The following DEUP1 variants were observed in gnomAD, a reference collection of about 807,000 sequenced individuals.
DEUP1 encodes deuterosome assembly protein 1.
DEUP1 carries 82 observed loss-of-function variants against 87.4 expected under a neutral mutation model. The observed-to-expected ratio is 0.94, with a 90% CI of 0.78 to 1.13. The LOEUF is 1.13. Ranked by LOEUF, DEUP1 falls within the 50% of genes most tolerant of loss-of-function variation. DEUP1 has a pLI of 0.00. For missense variants in DEUP1, 663 were observed against 681.5 expected (o/e 0.97, Z 0.30); for synonymous variants, 214 against 222.7 (o/e 0.96, Z 0.35).
At chr11:93,365,464 A>G (rs1445681778) in intron 5 of DEUP1, among the ~76,000 whole-genome samples, 1 of 152,140 alleles carries the variant, frequency 6.6e-6, no homozygotes, top group Non-Finnish European at 1.5e-5. Context: ...ATGCCGATAG[A>G]TGTGCACTGT....
chr11:93,428,776 T>C (rs1018646833), intron 13 of DEUP1, among the ~76,000 whole-genome samples: 2 of 152,314 alleles, frequency 1.3e-5, no homozygotes, highest in African/African-American at 4.8e-5. Context: ...ACCCTGGTCA[T>C]AGGCAATCAT....
At chr11:93,378,874 C>A (rs12288325) in intron 7 of DEUP1, among the ~76,000 whole-genome samples, 35,667 of 151,938 alleles carry the variant, frequency 0.23, 4,592 homozygotes, top group South Asian at 0.38. Context: ...TGTGTCTCTC[C>A]AGACACTGCT....
At chr11:93,355,102 T>G (rs759460335) in intron 2 of DEUP1, among the ~76,000 whole-genome samples, 1 of 152,218 alleles carries the variant, frequency 6.6e-6, no homozygotes, top group African/African-American at 2.4e-5. Context: ...TGAAGCTAAG[T>G]CTTATAATTT....
chr11:93,383,346 C>T (rs1262761194), intron 7 of DEUP1: 4 of 347,266 alleles, frequency 1.2e-5, no homozygotes, highest in Non-Finnish European at 2.1e-5. Flanking sequence ...CATTATGCTA[C>T]ATTAAAGAGG....
chr11:93,373,956 T>G (rs1380864704), intron 7 of DEUP1, among the ~76,000 whole-genome samples: 1 of 151,980 alleles, frequency 6.6e-6, no homozygotes, highest in Non-Finnish European at 1.5e-5. Context: ...ACATCTATTA[T>G]TTTTTTGATT....
intron 3 of DEUP1, 141 bp downstream of exon 3, chr11:93,355,683 A>G (rs1216797390): frequency 1.4e-6 from 1 of 715,178 alleles, no homozygotes; most frequent in East Asian, 2.9e-5. Context: ...TCAGCAAATT[A>G]TAGGCTAAAT....
chr11:93,330,726 C>A, upstream of DEUP1: 1 of 152,828 alleles, frequency 6.5e-6, no homozygotes, highest in South Asian at 1.9e-4. Context: ...CATACGCGGT[C>A]CTGCGCCCTC....
chr11:93,376,972 G>T (rs1030112188), intron 7 of DEUP1, among the ~76,000 whole-genome samples: 2 of 152,164 alleles, frequency 1.3e-5, no homozygotes, highest in African/African-American at 4.8e-5. Flanking sequence ...TCCCACTGTG[G>T]TCTGAGAGAG....
intron 13 of DEUP1, among the ~76,000 whole-genome samples, chr11:93,419,025 A>C (rs867102521): frequency 8.3e-6 from 1 of 120,672 alleles, no homozygotes; most frequent in Non-Finnish European, 1.7e-5. Flanking sequence ...CACTCTGGGG[A>C]CTGTTGTGGG....
At position 93,410,168 on chromosome 11, in the gene DEUP1, T is replaced by C. The variant is rs116051640; in HGVS notation, c.1523+1741T>C. The stretch of plus-strand genomic sequence containing the variant: ...ATTAGAAGGATATATTGTAGCCCCA[T>C]GCAGGAAACAGTAACCATTCAAAAG... On this transcript the variant is annotated intron_variant, in intron 12 of 13. Transcript: ENST00000298050. Among the ~76,000 whole-genome samples the C allele has an allele frequency of 5.9e-3, 902 of 152,286 alleles. 7 individuals carry two copies. Among genetic ancestry groups the C allele is most frequent in the African/African-American group, 0.019 (789 of 41,588 alleles).
At chr11:93,377,142 T>C (rs1422782726) in intron 7 of DEUP1, among the ~76,000 whole-genome samples, 1 of 152,202 alleles carries the variant, frequency 6.6e-6, no homozygotes, top group African/African-American at 2.4e-5. Flanking sequence ...TGTTCTAGGG[T>C]ATCATTTAAG....
intron 13 of DEUP1, among the ~76,000 whole-genome samples, chr11:93,433,326 G>A (rs903920986): frequency 2.6e-5 from 4 of 152,104 alleles, no homozygotes; most frequent in Admixed American, 2.0e-4. Context: ...GACCAGTCTG[G>A]GCAACATAAT....
chr11:93,380,362 A>T (rs957643432), intron 7 of DEUP1, among the ~76,000 whole-genome samples: 2 of 151,934 alleles, frequency 1.3e-5, no homozygotes, highest in South Asian at 4.2e-4. Flanking sequence ...TTGATTGAGA[A>T]ATTTCATCCT....
chr11:93,355,646 C>A (rs1944859647), intron 3 of DEUP1, 104 bp downstream of exon 3: 2 of 1,005,792 alleles, frequency 2.0e-6, no homozygotes, highest in Non-Finnish European at 2.8e-6. Flanking sequence ...CAGGCATCAG[C>A]AACAGCATTT....
At chr11:93,430,223 A>G (rs936351959) in intron 13 of DEUP1, among the ~76,000 whole-genome samples, 4 of 152,244 alleles carry the variant, frequency 2.6e-5, no homozygotes, top group African/African-American at 9.6e-5. Flanking sequence ...TTATTTATTC[A>G]TAAAATAAAA....
Position 93,340,984 on chromosome 11 carries a change from A to C in DEUP1, c.29+8696A>C, listed in dbSNP as rs77165110. Among the ~76,000 whole-genome samples the C allele has an allele frequency of 2.8e-3, 431 of 152,336 alleles. 10 individuals are homozygous for C. In the East Asian group the frequency reaches 0.078, roughly 28 times the overall value. ...AGATAGCTGAACCATCTACAACATCATATCTGCCTTCCAAGAAGGAAGTAG... is the reference window on the plus strand; with the variant it reads ...AGATAGCTGAACCATCTACAACATCCTATCTGCCTTCCAAGAAGGAAGTAG... On this transcript the variant is annotated intron_variant, in intron 2 of 13. Transcript: ENST00000298050.
Position 93,437,941 on chromosome 11 carries a change from T to C in DEUP1, c.*222T>C, listed in dbSNP as rs1456244. 40,682 of 336,924 alleles carry C rather than the reference T, an allele frequency of 0.12. 4,478 individuals carry two copies. The highest frequency in any genetic ancestry group is 0.52 in the East Asian group (7,338 of 14,038). The allele number at this position is 336,924 out of a possible 1,614,324, so 20.9% of individuals were successfully genotyped here. A position where few individuals can be genotyped will look rare whatever the true frequency, so the allele number is the denominator to read the frequency against. ...AAATTGTCCTGCTGTAGAGTTACTA[T>C]AAAATAAACATGACTATTCCAAAAG... On this transcript the variant is annotated 3_prime_UTR_variant, in exon 14 of 14. Coordinates refer to ENST00000298050, the MANE Select transcript of DEUP1 (RefSeq NM_181645.4).
chr11:93,428,885 A>G (rs1476518844), intron 13 of DEUP1, among the ~76,000 whole-genome samples: 1 of 152,148 alleles, frequency 6.6e-6, no homozygotes, highest in Non-Finnish European at 1.5e-5. Context: ...TGTCTAACAC[A>G]TGGTAATATA....
intron 5 of DEUP1, among the ~76,000 whole-genome samples, chr11:93,367,484 TA>T (rs1468524944): frequency 1.3e-5 from 2 of 152,182 alleles, no homozygotes; most frequent in Admixed American, 6.5e-5. Flanking sequence ...GGGAAATAGC[TA>T]AGATAATCAT....
Sources: gnomAD v4.1 joint callset for allele counts (sites outside exome capture counted in the v4.1 genomes callset) on GRCh38, gnomAD v4.1.1 for gene constraint, MANE v1.5 for transcripts, NCBI Gene and HGNC (gene_info 2026-07-23, HGNC 2026-07-21) for gene names.